The following DLEC1 variants were observed in gnomAD, a reference collection of about 807,000 sequenced individuals.
DLEC1 encodes deleted in lung and esophageal cancer protein 1.
A neutral mutation model predicts 198.1 loss-of-function variants in DLEC1; 146 were observed. That is an observed-to-expected ratio of 0.74 (90% CI 0.64 to 0.85). The LOEUF (loss-of-function observed/expected upper bound fraction) is 0.85. DLEC1 is among the 40% of genes least tolerant of loss of function. The pLI is 0.00. For synonymous variants in DLEC1, 897 were observed against 866.8 expected (o/e 1.03, Z -0.61); for missense variants, 2,233 against 2,220.0 (o/e 1.01, Z -0.12).
Position 38,123,229 on chromosome 3 carries a change from G to A in DLEC1, c.*817G>A. 9.1e-7 allele frequency: 1 copy of A among 1,104,242 alleles called. No homozygotes were observed. Among genetic ancestry groups the A allele is most frequent in the Non-Finnish European group, 1.4e-6 (1 of 731,506 alleles). The allele number at this position is 1,104,242 out of a possible 1,614,324, so 68.4% of individuals were successfully genotyped here. A position where few individuals can be genotyped will look rare whatever the true frequency, so the allele number is the denominator to read the frequency against. On this transcript the variant is annotated 3_prime_UTR_variant, in exon 37 of 37. Transcript: ENST00000308059. ...GGACAAGTAGGATGCAAAACCATCA[G>A]ACCAGATCTGTGGGCAAGCGGTACC...
chr3:38,113,690 C>CAAT lies in DLEC1; in HGVS notation c.3667-630_3667-628dup, dbSNP rs752299851. ...TGAGCGATGGAGCAAGACTCTGTCT[C>CAAT]AATAATAATAATAATAATAATAATC... On this transcript the variant is annotated intron_variant, in intron 25 of 36. Transcript: ENST00000308059. Among the ~76,000 whole-genome samples, 548 of 150,930 alleles carry CAAT rather than the reference C, an allele frequency of 3.6e-3. 3 individuals are homozygous for CAAT. Among genetic ancestry groups the CAAT allele is most frequent in the African/African-American group, 8.5e-3 (348 of 41,076 alleles).
intron 33 of DLEC1, among the ~76,000 whole-genome samples, chr3:38,119,207 T>TGC (rs1700332782): frequency 6.6e-6 from 1 of 152,180 alleles, no homozygotes; most frequent in Admixed American, 6.5e-5. Flanking sequence ...GCGCTAACAA[T>TGC]GCTCAGGCTT....
At position 38,097,294 on chromosome 3, in the gene DLEC1, G is replaced by T; in HGVS notation, c.2434+19G>T. 6.4e-7 allele frequency: 1 copy of T among 1,566,328 alleles called. No homozygotes were observed. Among genetic ancestry groups the T allele is most frequent in the East Asian group, 2.4e-5 (1 of 42,128 alleles). On this transcript the variant is annotated intron_variant, in intron 16 of 36. Coordinates refer to ENST00000308059, the MANE Select transcript of DLEC1 (RefSeq NM_007335.4). ...GTCATAGGTACCTTGGGGACTGCAG[G>T]AGGGGTTGTGACCTGCCTGGGGCTG...
At position 38,112,369 on chromosome 3, in the gene DLEC1, T is replaced by C. The variant is rs9827471; in HGVS notation, c.3666+8T>C. On this transcript the variant is annotated splice_region_variant and intron_variant, in intron 25 of 36. Coordinates refer to ENST00000308059, the MANE Select transcript of DLEC1 (RefSeq NM_007335.4). The surrounding 1 kb of genome is among the most constrained non-coding windows in gnomAD (Gnocchi z 4.8). ...GACAACCTCATCTGCACGGTAAGGGTACACAAGAGGGCAGTGGCCTGGGGG... is the reference window on the plus strand; with the variant it reads ...GACAACCTCATCTGCACGGTAAGGGCACACAAGAGGGCAGTGGCCTGGGGG... The C allele has an allele frequency of 1.7e-3, 2,773 of 1,613,684 alleles. 46 individuals carry two copies. The African/African-American group carries it at 0.032, about 18-fold the overall frequency.
In DLEC1 at chr3:38,117,019, C is replaced by A. The variant is rs1257761901; in HGVS notation, c.4224C>A (p.Thr1408=). 6.2e-7 allele frequency: 1 copy of A among 1,613,924 alleles called. No individual in the cohort carries two copies. The highest frequency in any genetic ancestry group is 8.5e-7 in the Non-Finnish European group (1 of 1,179,978). Residue 1408 remains threonine, a synonymous_variant, in exon 30 of 37, where the codon ACC becomes ACA. Transcript: ENST00000308059. ...GCAGTACCATCTACATCTCCTTCACCCCTATGGTGCTCAGCCCTGAGATCC... is the reference window on the plus strand; with the variant it reads ...GCAGTACCATCTACATCTCCTTCACACCTATGGTGCTCAGCCCTGAGATCC... ...GGSSTIYISF[T]PMVLSPEILH...
intron 9 of DLEC1, among the ~76,000 whole-genome samples, chr3:38,088,091 C>G (rs1201646486): frequency 6.6e-6 from 1 of 152,228 alleles, no homozygotes; most frequent in Non-Finnish European, 1.5e-5. Flanking sequence ...TCTCCTTAAC[C>G]TTCAGAACCT....
rs1698317902 is a variant in DLEC1, at chr3:38,084,555, GTAGTA to G, written c.1261+311_1261+315del. On this transcript the variant is annotated intron_variant, in intron 7 of 36. Transcript: ENST00000308059. ...AGTGGTGGTGGTAGTAGTAGTGGTAGTAGTAGTGGTAGTAGTAGTAGTGGGGGGGT... is the reference window on the plus strand; with the variant it reads ...AGTGGTGGTGGTAGTAGTAGTGGTAGGTGGTAGTAGTAGTAGTGGGGGGGT... 3.4e-5 allele frequency among the ~76,000 whole-genome samples: 5 copies of G among 148,456 alleles called. 1 individual carries two copies. Among genetic ancestry groups the G allele is most frequent in the African/African-American group, 4.9e-5 (2 of 40,570 alleles).
Position 38,112,390 on chromosome 3 carries a change from G to C in DLEC1, c.3666+29G>C, listed in dbSNP as rs771176432. The C allele has an allele frequency of 6.2e-7, 1 of 1,607,838 alleles. No individual in the cohort carries two copies. The highest frequency in any genetic ancestry group is 8.5e-7 in the Non-Finnish European group (1 of 1,175,070). Reference sequence around the variant, plus strand: ...AGGGTACACAAGAGGGCAGTGGCCTGGGGGGTGGAGAGTCTGCCCAGCCCT... The same window carrying C: ...AGGGTACACAAGAGGGCAGTGGCCTCGGGGGTGGAGAGTCTGCCCAGCCCT... On this transcript the variant is annotated intron_variant, in intron 25 of 36. Coordinates refer to ENST00000308059, the MANE Select transcript of DLEC1 (RefSeq NM_007335.4). This position sits in a 1 kb window ranked among gnomAD's most constrained non-coding sequence, Gnocchi z 4.8.
intron 6 of DLEC1, among the ~76,000 whole-genome samples, chr3:38,068,186 T>C (rs1438227088): frequency 6.6e-6 from 1 of 152,170 alleles, no homozygotes; most frequent in Non-Finnish European, 1.5e-5. Flanking sequence ...TCACTAAGGT[T>C]CATCCAGATT....
chr3:38,117,142 C>G (rs746705371), intron 30 of DLEC1, 42 bp downstream of exon 30: 2 of 1,613,788 alleles, frequency 1.2e-6, no homozygotes, highest in Non-Finnish European at 1.7e-6. Context: ...AGCCACTGCT[C>G]CCTCCTGGGT....
Position 38,111,678 on chromosome 3 carries a change from C to T in DLEC1, c.3445C>T (p.Pro1149Ser). Residue 1149 changes from proline (P) to serine (S), a missense_variant and splice_region_variant, in exon 24 of 37, where the codon CCC (proline) becomes TCC (serine). Coordinates refer to ENST00000308059, the MANE Select transcript of DLEC1 (RefSeq NM_007335.4). ...QNSLSKKTSL[P>S]NMPPALLKTV... is the part of the protein sequence containing the mutation. ...ATTTCTGTGTCTCCACTTGTAAAGT[C>T]CCAACATGCCTCCTGCCCTGCTAAA... 3 of 1,613,052 alleles carry T rather than the reference C, an allele frequency of 1.9e-6. No homozygotes were observed. Among genetic ancestry groups the T allele is most frequent in the Non-Finnish European group, 2.5e-6 (3 of 1,179,530 alleles).
intron 10 of DLEC1, among the ~76,000 whole-genome samples, 175 bp downstream of exon 10, chr3:38,088,563 T>C (rs1698584536): frequency 6.6e-6 from 1 of 152,188 alleles, no homozygotes; most frequent in Non-Finnish European, 1.5e-5. Flanking sequence ...GACTGTCTTA[T>C]GAGCATTTTC....
Position 38,123,219 on chromosome 3 carries a change from A to G in DLEC1, c.*807A>G. 3 of 1,220,708 alleles carry G rather than the reference A, an allele frequency of 2.5e-6. No individual in the cohort carries two copies. The South Asian group carries it at 3.7e-5, about 15-fold the overall frequency. The allele number at this position is 1,220,708 out of a possible 1,614,324, so 75.6% of individuals were successfully genotyped here. A position where few individuals can be genotyped will look rare whatever the true frequency, so the allele number is the denominator to read the frequency against. On this transcript the variant is annotated 3_prime_UTR_variant, in exon 37 of 37. Coordinates refer to ENST00000308059, the MANE Select transcript of DLEC1 (RefSeq NM_007335.4). The stretch of plus-strand genomic sequence containing the variant: ...AGGACGTCATGGACAAGTAGGATGC[A>G]AAACCATCAGACCAGATCTGTGGGC...
At chr3:38,122,039 C>T (rs747310152) in intron 35 of DLEC1, 32 bp from the exon 36 acceptor site, 3 of 1,610,564 alleles carry the variant, frequency 1.9e-6, no homozygotes, top group Non-Finnish European at 2.5e-6. Context: ...GGGCTGCCTG[C>T]ACTCATGTGT....
In DLEC1 at chr3:38,123,059, G is replaced by A. The variant is rs751145499; in HGVS notation, c.*647G>A. The stretch of plus-strand genomic sequence containing the variant: ...CCTGGGACCTCACTCAGTTCCCAGG[G>A]TATTCAAAGACGGCAGCGGCTCCCA... On this transcript the variant is annotated 3_prime_UTR_variant, in exon 37 of 37. Coordinates refer to ENST00000308059, the MANE Select transcript of DLEC1 (RefSeq NM_007335.4). The A allele has an allele frequency of 1.9e-6, 3 of 1,614,120 alleles. No individual in the cohort carries two copies. The highest frequency in any genetic ancestry group is 2.7e-5 in the African/African-American group (2 of 75,042).
rs112880491 is a variant in DLEC1 at position 38,093,336 on chromosome 3, C to T, written c.1757-269C>T. Among the ~76,000 whole-genome samples, 297 of 152,130 alleles carry T rather than the reference C, an allele frequency of 2.0e-3. 4 individuals carry two copies. The highest frequency in any genetic ancestry group is 6.0e-3 in the African/African-American group (247 of 41,490). ...CCTTCCTTCCCTCTTTTCCTCCTTC[C>T]CTCCCTCCTTTTCTCCCTTCTTCTC... On this transcript the variant is annotated intron_variant, in intron 11 of 36. Transcript: ENST00000308059.
At chr3:38,093,908 C>T in intron 12 of DLEC1, 141 bp downstream of exon 12, 1 of 1,060,382 alleles carries the variant, frequency 9.4e-7, no homozygotes, top group African/African-American at 1.6e-5. Flanking sequence ...ATTGAGGGAT[C>T]CAGATTGACC....
At chr3:38,062,440 G>A in intron 4 of DLEC1, 72 bp downstream of exon 4, 1 of 1,596,574 alleles carries the variant, frequency 6.3e-7, no homozygotes, top group East Asian at 2.2e-5. Flanking sequence ...GCATTCAGAT[G>A]ACATGAGAAG....
intron 6 of DLEC1, 74 bp from the exon 7 acceptor site, chr3:38,084,084 A>T: frequency 7.0e-7 from 1 of 1,427,826 alleles, no homozygotes; most frequent in South Asian, 1.2e-5. Flanking sequence ...CTCATATTAG[A>T]GTAAATCCTG....
Sources: gnomAD v4.1 joint callset for allele counts (sites outside exome capture counted in the v4.1 genomes callset) on GRCh38, gnomAD v4.1.1 for gene constraint, Gnocchi (gnomAD v3.1) non-coding constraint, MANE v1.5 for transcripts, NCBI Gene and HGNC (gene_info 2026-07-23, HGNC 2026-07-21) for gene names.